The following EEFSEC variants were observed in gnomAD, a reference collection of about 807,000 sequenced individuals.
The protein encoded by EEFSEC is selenocysteine-specific elongation factor.
Under a neutral mutation model 42.1 loss-of-function variants are expected in EEFSEC, and 43 were observed. The ratio of observed to expected loss-of-function variants is 1.02; its 90% CI spans 0.80 to 1.32. The LOEUF (loss-of-function observed/expected upper bound fraction) is 1.32, where lower values mean the gene tolerates loss of function less well. Ranked by LOEUF, EEFSEC falls within the 40% of genes most tolerant of loss-of-function variation. The pLI is 0.00. For synonymous variants in EEFSEC, 354 were observed against 339.1 expected (o/e 1.04, Z -0.48); for missense variants, 745 against 803.6 (o/e 0.93, Z 0.88).
intron 4 of EEFSEC, among the ~76,000 whole-genome samples, chr3:128,300,785 C>CT (rs1043884621): frequency 7.9e-5 from 12 of 152,186 alleles, no homozygotes; most frequent in Admixed American, 7.8e-4. Flanking sequence ...CTTTCAGTAC[C>CT]TTTTTCCCAG....
At chr3:128,218,261 C>T (rs938191917) in intron 1 of EEFSEC, among the ~76,000 whole-genome samples, 3 of 152,172 alleles carry the variant, frequency 2.0e-5, no homozygotes, top group African/African-American at 7.2e-5. Context: ...TTGGCTCTGG[C>T]CCCTTCACAG....
At chr3:128,330,152 G>T (rs2067110581) in intron 4 of EEFSEC, among the ~76,000 whole-genome samples, 1 of 152,222 alleles carries the variant, frequency 6.6e-6, no homozygotes, top group South Asian at 2.1e-4. Context: ...CAAATACTTG[G>T]GGTGGCTGGG....
chr3:128,421,119 C>T, the EEFSEC span, among the ~76,000 whole-genome samples: 2 of 152,202 alleles, frequency 1.3e-5, no homozygotes, highest in African/African-American at 2.4e-5. Context: ...ACCTTGTCCC[C>T]GGGGCCTTGT....
chr3:128,244,794 G>A (rs1023587892), intron 1 of EEFSEC, among the ~76,000 whole-genome samples: 1 of 152,092 alleles, frequency 6.6e-6, no homozygotes, highest in Non-Finnish European at 1.5e-5. Context: ...ACACACACAC[G>A]TATACCTTAT....
intron 1 of EEFSEC, among the ~76,000 whole-genome samples, chr3:128,234,435 G>C (rs1179983338): frequency 1.3e-5 from 2 of 152,230 alleles, no homozygotes; most frequent in South Asian, 4.1e-4. Flanking sequence ...TAGGACTCCC[G>C]TATGCCCATC....
chr3:128,388,902 C>T (rs1272988252), intron 6 of EEFSEC, among the ~76,000 whole-genome samples: 1 of 152,230 alleles, frequency 6.6e-6, no homozygotes, highest in Non-Finnish European at 1.5e-5. Context: ...AGGGCCTCTT[C>T]AGTCCACCTG....
intron 6 of EEFSEC, among the ~76,000 whole-genome samples, chr3:128,394,994 CTG>C (rs2067964193): frequency 6.6e-6 from 1 of 152,224 alleles, no homozygotes; most frequent in Non-Finnish European, 1.5e-5. Flanking sequence ...ACCGAGCACT[CTG>C]TGTGCCAGGA....
rs550839467 is a variant in EEFSEC, at chr3:128,257,231, G to A, written c.525-4897G>A. On this transcript the variant is annotated intron_variant, in intron 2 of 6. Coordinates refer to ENST00000254730, the MANE Select transcript of EEFSEC (RefSeq NM_021937.5). Reference sequence around the variant, plus strand: ...TTGGTCACATCTTCTAAGTTTTTGCGGTTTTCTCAGTGTTGTGGAGGTGCT... The same window carrying A: ...TTGGTCACATCTTCTAAGTTTTTGCAGTTTTCTCAGTGTTGTGGAGGTGCT... 2.7e-4 allele frequency among the ~76,000 whole-genome samples: 41 copies of A among 152,232 alleles called. No individual in the cohort carries two copies. The South Asian group carries it at 3.1e-3, about 12-fold the overall frequency.
intron 6 of EEFSEC, among the ~76,000 whole-genome samples, chr3:128,390,367 C>T (rs918029186): frequency 6.6e-6 from 1 of 152,210 alleles, no homozygotes; most frequent in African/African-American, 2.4e-5. Context: ...CACAGCCAGG[C>T]TCAGGAGGGG....
intron 4 of EEFSEC, among the ~76,000 whole-genome samples, chr3:128,313,502 A>G (rs564798363): frequency 6.6e-6 from 1 of 152,362 alleles, no homozygotes; most frequent in Non-Finnish European, 1.5e-5. Flanking sequence ...TTGGTCAGCC[A>G]GCCAGGTCTG....
intron 1 of EEFSEC, among the ~76,000 whole-genome samples, chr3:128,240,096 A>C (rs564837448): frequency 1.6e-4 from 24 of 152,376 alleles, no homozygotes; most frequent in African/African-American, 5.3e-4. Context: ...GCTAGGTCAC[A>C]GGCACTGTGC....
At chr3:128,365,695 G>A (rs1243732499) in intron 6 of EEFSEC, among the ~76,000 whole-genome samples, 2 of 152,144 alleles carry the variant, frequency 1.3e-5, no homozygotes, top group Non-Finnish European at 2.9e-5. Flanking sequence ...AACGATGCCT[G>A]TAGGAGCCCC....
At chr3:128,325,944 T>C (rs2067059087) in intron 4 of EEFSEC, among the ~76,000 whole-genome samples, 3 of 152,220 alleles carry the variant, frequency 2.0e-5, no homozygotes, top group Non-Finnish European at 2.9e-5. Flanking sequence ...CATACTAAGG[T>C]GAATATTTCC....
chr3:128,399,989 G>A (rs906301926), intron 6 of EEFSEC, among the ~76,000 whole-genome samples: 11 of 152,078 alleles, frequency 7.2e-5, no homozygotes, highest in African/African-American at 2.2e-4. Context: ...CTGATAGATG[G>A]GGGTGTTGAT....
chr3:128,358,633 A>C (rs1003305628), intron 6 of EEFSEC, among the ~76,000 whole-genome samples: 1 of 151,904 alleles, frequency 6.6e-6, no homozygotes, highest in Non-Finnish European at 1.5e-5. Flanking sequence ...ACCATTTACC[A>C]TCTGAGGGGG....
intron 4 of EEFSEC, among the ~76,000 whole-genome samples, chr3:128,329,385 G>A (rs895257088): frequency 1.3e-5 from 2 of 151,886 alleles, no homozygotes; most frequent in African/African-American, 4.9e-5. Context: ...TCTGTGCCAG[G>A]GACGGAGATT....
intron 5 of EEFSEC, among the ~76,000 whole-genome samples, chr3:128,351,327 T>C (rs1444665307): frequency 6.6e-6 from 1 of 152,204 alleles, no homozygotes; most frequent in Non-Finnish European, 1.5e-5. Context: ...TTCCTCTGGG[T>C]CATCCATTCT....
intron 5 of EEFSEC, among the ~76,000 whole-genome samples, chr3:128,346,854 A>G (rs1002877784): frequency 1.3e-5 from 2 of 152,356 alleles, no homozygotes; most frequent in East Asian, 1.9e-4. Flanking sequence ...TAAATTTTAT[A>G]TAGTTTTCAC....
At chr3:128,361,853 G>C (rs1347985796) in intron 6 of EEFSEC, among the ~76,000 whole-genome samples, 1 of 152,224 alleles carries the variant, frequency 6.6e-6, no homozygotes, top group East Asian at 1.9e-4. Flanking sequence ...GGTGGTGAGA[G>C]AGTAGTTGGA....
Sources: gnomAD v4.1 joint callset for allele counts (sites outside exome capture counted in the v4.1 genomes callset) on GRCh38, gnomAD v4.1.1 for gene constraint, MANE v1.5 for transcripts, NCBI Gene and HGNC (gene_info 2026-07-23, HGNC 2026-07-21) for gene names.